PCDHA1: variants seen among roughly 807,000 people sequenced by gnomAD.
PCDHA1 encodes protocadherin alpha 1, also known as protocadherin alpha-1.
Under a neutral mutation model 61.3 loss-of-function variants are expected in PCDHA1, and 42 were observed. That is an observed-to-expected ratio of 0.69 (90% CI 0.54 to 0.89). The LOEUF is 0.89. Ranked by LOEUF, PCDHA1 falls within the 40% of genes least tolerant of loss-of-function variation. The probability of loss-of-function intolerance (pLI) is 0.00; values close to 1 mark genes in which losing one functional copy is unlikely to be tolerated. For synonymous variants in PCDHA1, 610 were observed against 553.8 expected, an observed-to-expected ratio of 1.10 and a Z score of -1.43; for missense variants, 1,256 against 1,235.3, an observed-to-expected ratio of 1.02 and a Z score of -0.25.
intron 1 of PCDHA1, among the ~76,000 whole-genome samples, chr5:140,878,496 C>G (rs562678244): frequency 7.2e-5 from 11 of 152,174 alleles, no homozygotes; most frequent in Non-Finnish European, 1.6e-4. Flanking sequence ...ATTTAACCAT[C>G]TGTACGATAC....
At chr5:140,874,957 T>C (rs1330073461) in intron 1 of PCDHA1, among the ~76,000 whole-genome samples, 3 of 152,350 alleles carry the variant, frequency 2.0e-5, no homozygotes, top group African/African-American at 7.2e-5. Flanking sequence ...TTGTAAGCTA[T>C]ATAAGGGGAG....
chr5:140,969,037 C>T (rs1554231375), intron 1 of PCDHA1: 1 of 1,614,158 alleles, frequency 6.2e-7, no homozygotes, highest in South Asian at 1.1e-5. Flanking sequence ...CAGAACTGTA[C>T]AAACAAGCCA....
At chr5:140,894,446 T>TA (rs2064476840) in intron 1 of PCDHA1, among the ~76,000 whole-genome samples, 2 of 152,118 alleles carry the variant, frequency 1.3e-5, no homozygotes, top group East Asian at 3.9e-4. Flanking sequence ...AGCTCTTTTT[T>TA]AAAAAATATT....
At position 140,787,565 on chromosome 5, in the gene PCDHA1, G is replaced by T. The variant is rs201281756; in HGVS notation, c.1275G>T (p.Val425=). 64 of 1,614,108 alleles carry T rather than the reference G, an allele frequency of 4.0e-5. No homozygotes were observed. The highest frequency in any genetic ancestry group is 5.3e-5 in the Non-Finnish European group (63 of 1,180,056). Residue 425 remains valine, a synonymous_variant, in exon 1 of 4, where the codon GTG becomes GTT. Coordinates refer to ENST00000504120, the MANE Select transcript of PCDHA1 (RefSeq NM_018900.4). ...RESLSVYELV[V]TARDGGSPSL... The stretch of plus-strand genomic sequence containing the variant: ...GCCTGTCGGTCTATGAGCTGGTGGT[G>T]ACCGCGCGGGACGGGGGCTCGCCTT...
chr5:140,881,579 C>T (rs1299755224), intron 1 of PCDHA1, among the ~76,000 whole-genome samples: 1 of 152,168 alleles, frequency 6.6e-6, no homozygotes, highest in Non-Finnish European at 1.5e-5. Context: ...TCTCAAGTCA[C>T]ATTGAGGGAA....
intron 1 of PCDHA1, chr5:140,856,337 C>A (rs782782390): frequency 1.3e-6 from 2 of 1,598,382 alleles, no homozygotes; most frequent in Non-Finnish European, 1.7e-6. Flanking sequence ...GCTGTGCGGG[C>A]GGAGCGTGGA....
At chr5:140,918,848 G>T (rs2078891260) in intron 1 of PCDHA1, among the ~76,000 whole-genome samples, 1 of 152,134 alleles carries the variant, frequency 6.6e-6, no homozygotes, top group Admixed American at 6.5e-5. Flanking sequence ...TAAATCTGCT[G>T]GTGCCTGAAT....
chr5:140,981,685 C>T (rs369964011), intron 2 of PCDHA1, among the ~76,000 whole-genome samples: 1 of 152,048 alleles, frequency 6.6e-6, no homozygotes, highest in African/African-American at 2.4e-5. Flanking sequence ...TTCCTCCCTT[C>T]CATCATTCAT....
At chr5:140,877,649 C>A (rs369703340) in intron 1 of PCDHA1, 1 of 1,613,438 alleles carries the variant, frequency 6.2e-7, no homozygotes, top group Non-Finnish European at 8.5e-7. Context: ...TGCTCAGCGC[C>A]GCCCACCGTG....
At chr5:140,994,636 T>C (rs1243732393) in intron 3 of PCDHA1, among the ~76,000 whole-genome samples, 1 of 151,996 alleles carries the variant, frequency 6.6e-6, no homozygotes, top group Admixed American at 6.6e-5. Flanking sequence ...ACCTGGAAGG[T>C]GGAGGTTGCA....
intron 3 of PCDHA1, among the ~76,000 whole-genome samples, chr5:140,984,016 T>G (rs2153832874): frequency 6.6e-6 from 1 of 152,280 alleles, no homozygotes; most frequent in Non-Finnish European, 1.5e-5. Context: ...TATTGCCAGA[T>G]TGCAAGGGGA....
intron 1 of PCDHA1, chr5:140,927,052 A>G: frequency 6.2e-7 from 1 of 1,611,924 alleles, no homozygotes; most frequent in Middle Eastern, 1.7e-4. Flanking sequence ...GTCCTCGCGG[A>G]ACTTTCGCTT....
chr5:140,875,242 TA>T, intron 1 of PCDHA1: 2 of 943,026 alleles, frequency 2.1e-6, no homozygotes, highest in Non-Finnish European at 3.0e-6. Flanking sequence ...TGTACTTACA[TA>T]ATCAGTCACA....
chr5:140,885,561 T>G (rs1378492280), intron 1 of PCDHA1, among the ~76,000 whole-genome samples: 2 of 152,192 alleles, frequency 1.3e-5, no homozygotes, highest in African/African-American at 4.8e-5. Context: ...TCTACGAAAT[T>G]GATTGTCAGA....
At chr5:140,803,939 C>T in intron 1 of PCDHA1, 1 of 398,042 alleles carries the variant, frequency 2.5e-6, no homozygotes, top group Non-Finnish European at 4.5e-6. Context: ...TATCCCTATA[C>T]AATGCTTCTT....
At chr5:140,828,005 G>A in intron 1 of PCDHA1, 1 of 1,502,916 alleles carries the variant, frequency 6.7e-7, no homozygotes, top group Non-Finnish European at 8.9e-7. Flanking sequence ...GGACGCAGAA[G>A]AAATGGATTA....
intron 1 of PCDHA1, among the ~76,000 whole-genome samples, chr5:140,937,469 T>C (rs1322050073): frequency 6.6e-6 from 1 of 152,210 alleles, no homozygotes; most frequent in Non-Finnish European, 1.5e-5. Flanking sequence ...ATACAAAAAT[T>C]AGCTGGACAT....
intron 1 of PCDHA1, chr5:140,823,361 T>A (rs2150125012): frequency 1.9e-5 from 30 of 1,612,648 alleles, no homozygotes; most frequent in Non-Finnish European, 2.5e-5. Context: ...GAAGTGGAGC[T>A]GCTGCAGTTC....
Position 140,787,232 on chromosome 5 carries a change from A to T in PCDHA1, c.942A>T (p.Lys314Asn). 3 of 1,614,212 alleles carry T rather than the reference A, an allele frequency of 1.9e-6. No individual in the cohort carries two copies. Among genetic ancestry groups the T allele is most frequent in the South Asian group, 1.1e-5 (1 of 91,090 alleles). Residue 314 changes from lysine to asparagine, a missense_variant, in exon 1 of 4, where the codon AAA (lysine) becomes AAT (asparagine). Transcript: ENST00000504120. ...LIDKLDYEET[K>N]SYEIQVKAVD... is the part of the protein sequence containing the mutation. Reference sequence around the variant, plus strand: ...ATAAACTGGATTATGAAGAAACAAAATCCTACGAAATTCAAGTAAAGGCAG... The same window carrying T: ...ATAAACTGGATTATGAAGAAACAAATTCCTACGAAATTCAAGTAAAGGCAG...
Sources: allele counts gnomAD v4.1 joint callset (sites outside exome capture counted in the v4.1 genomes callset), GRCh38; gene constraint gnomAD v4.1.1; transcripts MANE v1.5; gene names NCBI Gene and HGNC (gene_info 2026-07-23, HGNC 2026-07-21).